The following DSC1 variants were observed in gnomAD, a reference collection of about 807,000 sequenced individuals.
DSC1 encodes desmocollin-1.
DSC1 carries 79 observed loss-of-function variants against 98.8 expected under a neutral mutation model. The observed-to-expected ratio is 0.80, with a 90% CI of 0.67 to 0.96. DSC1 has a LOEUF of 0.96. DSC1 is among the 50% of genes least tolerant of loss of function. The pLI is 0.00. For missense variants in DSC1, 1,115 were observed against 1,075.9 expected (o/e 1.04, Z -0.51); for synonymous variants, 405 against 372.1 (o/e 1.09, Z -1.02).
At position 31,133,458 on chromosome 18, in the gene DSC1, T is replaced by G. The variant is rs77332468; in HGVS notation, c.2116+433A>C. 7.6e-3 allele frequency among the ~76,000 whole-genome samples: 1,152 copies of G among 152,262 alleles called. 14 individuals are homozygous for G. Among genetic ancestry groups the G allele is most frequent in the African/African-American group, 0.026 (1,091 of 41,560 alleles). ...ATGCTAAATCACTTCATTAATAATATGGAACAGAAATATCTGAGTAAATTT... is the reference window on the plus strand; with the variant it reads ...ATGCTAAATCACTTCATTAATAATAGGGAACAGAAATATCTGAGTAAATTT... On this transcript the variant is annotated intron_variant, in intron 13 of 15. Coordinates refer to ENST00000257198, the MANE Select transcript of DSC1 (RefSeq NM_024421.2).
Position 31,142,230 on chromosome 18 carries a change from T to C in DSC1, c.1075-46A>G, listed in dbSNP as rs371613653. 1.4e-5 allele frequency: 22 copies of C among 1,564,420 alleles called. No homozygotes were observed. In the African/African-American group the frequency reaches 2.6e-4, roughly 19 times the overall value. ...TATTATCAATTTACAACTTTGACAA[T>C]GTAGCTTTATATTCTAAAACACGTA... On this transcript the variant is annotated intron_variant, in intron 8 of 15. Transcript: ENST00000257198.
rs761872327 is a variant in DSC1, at chr18:31,140,253, T to A, written c.1309A>T (p.Ile437Phe). The A allele has an allele frequency of 1.2e-6, 2 of 1,614,052 alleles. No individual in the cohort carries two copies. Among genetic ancestry groups the A allele is most frequent in the Non-Finnish European group, 1.7e-6 (2 of 1,179,924 alleles). The change falls in exon 10 of 16, where the codon ATT (isoleucine) becomes TTT (phenylalanine). Residue 437 changes from isoleucine to phenylalanine, a missense_variant. By Grantham distance (21) the Ile-to-Phe change is conservative (BLOSUM62 0). Coordinates refer to ENST00000257198, the MANE Select transcript of DSC1 (RefSeq NM_024421.2). ...GCTTTAGAGAATTGTGCCTCGTTAA[T>A]GACACCAACTTGCAAAATAACTTGG... is the stretch of plus-strand genomic sequence containing the variant. ...NRQVILQVGV[I>F]NEAQFSKAAS...
rs1988446710 is a variant in DSC1 at position 31,129,883 on chromosome 18, T to G, written c.*631A>C. On this transcript the variant is annotated 3_prime_UTR_variant, in exon 16 of 16. Transcript: ENST00000257198. ...AAGAACCCTAGAAGTTGGAGTGACC[T>G]AACAACAAATCCACATGGGCAGAGG... 1 of 152,212 alleles carries G rather than the reference T, an allele frequency of 6.6e-6. No individual in the cohort carries two copies. Among genetic ancestry groups the G allele is most frequent in the African/African-American group, 2.4e-5 (1 of 41,420 alleles). 9.4% of individuals were successfully genotyped at this position (152,212 alleles called of 1,614,324 possible).
chr18:31,162,267 A>G (rs568242835), intron 1 of DSC1, among the ~76,000 whole-genome samples: 1 of 152,140 alleles, frequency 6.6e-6, no homozygotes. Context: ...CTCTTAGAAA[A>G]TCACCACAGC....
chr18:31,139,673 A>C (rs764417187), intron 11 of DSC1, 75 bp downstream of exon 11: 1 of 1,367,152 alleles, frequency 7.3e-7, no homozygotes, highest in Non-Finnish European at 9.8e-7. Flanking sequence ...GTCTAGAAAT[A>C]AACAGATTTC....
chr18:31,144,146 G>C (rs1988794396), intron 7 of DSC1, among the ~76,000 whole-genome samples: 1 of 152,064 alleles, frequency 6.6e-6, no homozygotes, highest in Non-Finnish European at 1.5e-5. Context: ...CTGAGCTTAG[G>C]CAATCTGCCT....
intron 1 of DSC1, among the ~76,000 whole-genome samples, chr18:31,161,241 G>A (rs1989202429): frequency 6.6e-6 from 1 of 151,912 alleles, no homozygotes; most frequent in African/African-American, 2.4e-5. Flanking sequence ...GATAAAAAAT[G>A]GTTCACCTAT....
chr18:31,142,076 G>T lies in DSC1; in HGVS notation c.1183C>A (p.Leu395Ile), dbSNP rs2577075. The T allele has an allele frequency of 6.8e-6, 11 of 1,612,350 alleles. No homozygotes were observed. The highest frequency in any genetic ancestry group is 8.5e-6 in the Non-Finnish European group (10 of 1,179,528). Residue 395 changes from leucine to isoleucine, a missense_variant, in exon 9 of 16, where the codon CTA becomes ATA. Physicochemically the swap from Leu to Ile is conservative, Grantham distance 5. Transcript: ENST00000257198. ...TPHSKAVYKI[L>I]QGNENGNFII... ...AAGTTTCCATTTTCATTTCCTTGTA[G>T]GATTTTGTATACAGCCTTTGAGTGA...
intron 8 of DSC1, among the ~76,000 whole-genome samples, chr18:31,143,394 AAT>A (rs776322614): frequency 0.21 from 30,908 of 147,036 alleles, 3,816 homozygotes; most frequent in East Asian, 0.5. Context: ...AATAAAATAA[AAT>A]AAAAGTTTAA....
chr18:31,142,285 G>T, intron 8 of DSC1, 101 bp from the exon 9 acceptor site: 1 of 1,277,826 alleles, frequency 7.8e-7, no homozygotes, highest in Non-Finnish European at 1.1e-6. Context: ...AAAGTGATGT[G>T]AAAAGCTGCC....
rs66553394 is a variant in DSC1 at position 31,154,276 on chromosome 18, C to CAAAA, written c.627+494_627+497dup. The stretch of plus-strand genomic sequence containing the variant: ...TGAAGAATAGTGAGAGAAAGGGATG[C>CAAAA]AAAAAAAAAAAAGCTATGTAAGGGG... On this transcript the variant is annotated intron_variant, in intron 5 of 15. Transcript: ENST00000257198. Among the ~76,000 whole-genome samples the CAAAA allele has an allele frequency of 5.3e-3, 736 of 139,936 alleles. 7 individuals carry two copies. The highest frequency in any genetic ancestry group is 0.023 in the East Asian group (107 of 4,734). The allele number at this position is 139,936 out of a possible 152,430, so 91.8% of individuals were successfully genotyped here.
intron 3 of DSC1, among the ~76,000 whole-genome samples, chr18:31,156,933 T>A (rs901378746): frequency 2.0e-5 from 3 of 152,188 alleles, no homozygotes; most frequent in African/African-American, 4.8e-5. Flanking sequence ...TCTAGTAAGA[T>A]GGGAGTAAGC....
At chr18:31,130,887 A>G in intron 15 of DSC1, 176 bp from the exon 16 acceptor site, 1 of 1,505,556 alleles carries the variant, frequency 6.6e-7, no homozygotes, top group East Asian at 2.3e-5. Flanking sequence ...GTCACTCTTA[A>G]AATATAGCAA....
At chr18:31,146,065 G>A (rs1361587347) in intron 6 of DSC1, among the ~76,000 whole-genome samples, 3 of 152,112 alleles carry the variant, frequency 2.0e-5, no homozygotes, top group Admixed American at 2.0e-4. Flanking sequence ...TTCTCTCTAA[G>A]TTCACGGGCT....
At chr18:31,155,059 GGT>G in intron 4 of DSC1, 130 bp from the exon 5 acceptor site, 2 of 1,096,624 alleles carry the variant, frequency 1.8e-6, no homozygotes, top group Non-Finnish European at 2.6e-6. Context: ...CTTCTGCTTA[GGT>G]GCCCATTATC....
chr18:31,161,592 GAAAT>G (rs1989210463), intron 1 of DSC1, among the ~76,000 whole-genome samples: 1 of 152,066 alleles, frequency 6.6e-6, no homozygotes, highest in African/African-American at 2.4e-5. Context: ...TTCAGAGTCA[GAAAT>G]AAATAAACAG....
chr18:31,155,631 C>T (rs1242979770), intron 4 of DSC1, among the ~76,000 whole-genome samples: 2 of 152,088 alleles, frequency 1.3e-5, no homozygotes, highest in Non-Finnish European at 2.9e-5. Context: ...GTTTGCAATC[C>T]AGCTATGTGG....
At chr18:31,147,171 T>C (rs1030891460) in intron 6 of DSC1, among the ~76,000 whole-genome samples, 1 of 152,100 alleles carries the variant, frequency 6.6e-6, no homozygotes, top group African/African-American at 2.4e-5. Flanking sequence ...TTTCATTTTG[T>C]TTGGAAGATA....
chr18:31,149,783 G>A (rs1227219428), intron 5 of DSC1, among the ~76,000 whole-genome samples: 1 of 152,112 alleles, frequency 6.6e-6, no homozygotes, highest in Non-Finnish European at 1.5e-5. Flanking sequence ...ACCTGGAAAG[G>A]AAAGAATGTA....
Sources: gnomAD v4.1 joint callset for allele counts (sites outside exome capture counted in the v4.1 genomes callset) on GRCh38, gnomAD v4.1.1 for gene constraint, MANE v1.5 for transcripts, NCBI Gene and HGNC (gene_info 2026-07-23, HGNC 2026-07-21) for gene names.